The following PLA2G12B variants were observed in gnomAD, a reference collection of about 807,000 sequenced individuals.
PLA2G12B encodes phospholipase A2 group XIIB, also known as group XIIB secretory phospholipase A2-like protein.
PLA2G12B carries 19 observed loss-of-function variants against 22.3 expected under a neutral mutation model. That is an observed-to-expected ratio of 0.85 (90% CI 0.60 to 1.25). The LOEUF is 1.25. Ranked by LOEUF, PLA2G12B falls within the 50% of genes most tolerant of loss-of-function variation. The pLI, the probability that PLA2G12B is intolerant of heterozygous loss-of-function variation, is 0.00. For synonymous variants in PLA2G12B, 81 were observed against 94.9 expected (o/e 0.85, Z 0.85); for missense variants, 191 against 246.6 (o/e 0.77, Z 1.51).
At chr10:72,944,247 C>G (rs541253084) in intron 1 of PLA2G12B, among the ~76,000 whole-genome samples, 1 of 152,210 alleles carries the variant, frequency 6.6e-6, no homozygotes, top group Non-Finnish European at 1.5e-5. Context: ...GCCAAACTTG[C>G]TATAAATTTT....
At chr10:72,942,275 T>C (rs541360959) in intron 2 of PLA2G12B, among the ~76,000 whole-genome samples, 3 of 152,154 alleles carry the variant, frequency 2.0e-5, no homozygotes, top group Admixed American at 1.3e-4. Flanking sequence ...CATGACAATA[T>C]GTAACAATCA....
chr10:72,943,906 GA>G (rs1283253913), intron 1 of PLA2G12B, among the ~76,000 whole-genome samples: 1 of 152,196 alleles, frequency 6.6e-6, no homozygotes, highest in East Asian at 1.9e-4. Context: ...TAAGACTGGG[GA>G]AATGTGCTAA....
chr10:72,946,229 C>T (rs1381253921), intron 1 of PLA2G12B, among the ~76,000 whole-genome samples: 1 of 152,196 alleles, frequency 6.6e-6, no homozygotes, highest in Non-Finnish European at 1.5e-5. Flanking sequence ...TTGTGTCTGG[C>T]TTCTTTCTCT....
chr10:72,943,028 T>C (rs1846387213), intron 1 of PLA2G12B, among the ~76,000 whole-genome samples: 1 of 151,638 alleles, frequency 6.6e-6, no homozygotes, highest in Non-Finnish European at 1.5e-5. Context: ...TGCAGTGGTG[T>C]GATCTTGGCT....
chr10:72,943,186 G>A (rs1322302980), intron 1 of PLA2G12B, among the ~76,000 whole-genome samples: 4 of 152,006 alleles, frequency 2.6e-5, no homozygotes, highest in Admixed American at 6.6e-5. Flanking sequence ...GGTTGGTCTC[G>A]AACTCCTGAC....
chr10:72,941,366 G>A, intron 2 of PLA2G12B, 32 bp from the exon 3 acceptor site: 1 of 1,599,050 alleles, frequency 6.3e-7, no homozygotes. Context: ...GAAAAGAAGG[G>A]GAAGAAATGC....
At chr10:72,953,336 C>T (rs905920370) in intron 1 of PLA2G12B, among the ~76,000 whole-genome samples, 21 of 152,142 alleles carry the variant, frequency 1.4e-4, no homozygotes, top group African/African-American at 4.6e-4. Context: ...TATAAGGAAG[C>T]GATTTTCCCC....
chr10:72,944,198 C>G (rs994370884), intron 1 of PLA2G12B, among the ~76,000 whole-genome samples: 2 of 152,032 alleles, frequency 1.3e-5, no homozygotes, highest in African/African-American at 2.4e-5. Context: ...AACAAACAGC[C>G]ATGTACCAAA....
chr10:72,939,502 G>A (rs556210271), intron 3 of PLA2G12B, among the ~76,000 whole-genome samples: 2 of 152,094 alleles, frequency 1.3e-5, no homozygotes, highest in Admixed American at 1.3e-4. Context: ...TTGATTCACC[G>A]GGTTGGAAAC....
chr10:72,936,561 CAGAG>C (rs373343591), intron 3 of PLA2G12B, among the ~76,000 whole-genome samples: 4 of 151,954 alleles, frequency 2.6e-5, no homozygotes, highest in African/African-American at 9.7e-5. Flanking sequence ...GCAATCCATA[CAGAG>C]AGTAAAATAG....
intron 1 of PLA2G12B, among the ~76,000 whole-genome samples, chr10:72,943,389 A>T (rs996380050): frequency 2.0e-5 from 3 of 152,194 alleles, no homozygotes; most frequent in Non-Finnish European, 4.4e-5. Flanking sequence ...CACACCACTC[A>T]AAGAACAAGC....
intron 1 of PLA2G12B, among the ~76,000 whole-genome samples, chr10:72,947,869 T>C (rs1291002735): frequency 6.6e-6 from 1 of 152,188 alleles, no homozygotes; most frequent in Admixed American, 6.5e-5. Flanking sequence ...CGGCCTTGTC[T>C]TCTCTTCTTT....
In PLA2G12B at chr10:72,935,696, C is replaced by T. The variant is rs867323514; in HGVS notation, c.509G>A (p.Trp170Ter). 14 of 1,614,072 alleles carry T rather than the reference C, an allele frequency of 8.7e-6. No homozygotes were observed. Among genetic ancestry groups the T allele is most frequent in the Non-Finnish European group, 1.2e-5 (14 of 1,180,020 alleles). Residue 170 changes from tryptophan to a stop codon, truncating the protein, a stop_gained, in exon 4 of 4, where the codon TGG becomes TAG. Transcript: ENST00000373032. LOFTEE classifies it high-confidence loss of function. ...SLVDTVFNTVWTLGCRPFMNS... is the reference protein window; with the variant it reads ...SLVDTVFNTV ...CATAAAGGGGCGGCAGCCCAAGGTC[C>T]ACACGGTGTTGAACACAGTGTCAAC...
intron 3 of PLA2G12B, among the ~76,000 whole-genome samples, chr10:72,936,096 C>T (rs151136569): frequency 1.1e-3 from 160 of 152,218 alleles, no homozygotes; most frequent in African/African-American, 3.7e-3. Context: ...CAGAACACAC[C>T]GAATCTCGCC....
At chr10:72,949,925 C>T (rs968207106) in intron 1 of PLA2G12B, among the ~76,000 whole-genome samples, 9 of 151,760 alleles carry the variant, frequency 5.9e-5, no homozygotes, top group African/African-American at 1.2e-4. Context: ...TGCAGTGAGC[C>T]GAGATAGTAC....
At chr10:72,940,607 G>T (rs1846344871) in intron 3 of PLA2G12B, among the ~76,000 whole-genome samples, 1 of 152,100 alleles carries the variant, frequency 6.6e-6, no homozygotes, top group Admixed American at 6.5e-5. Context: ...GGAAAGCAGA[G>T]GTTGTAGTGA....
chr10:72,954,695 A>G lies in PLA2G12B; in HGVS notation c.-10T>C, dbSNP rs1177345028. 9 of 1,613,572 alleles carry G rather than the reference A, an allele frequency of 5.6e-6. No individual in the cohort carries two copies. The highest frequency in any genetic ancestry group is 7.6e-6 in the Non-Finnish European group (9 of 1,179,932). On this transcript the variant is annotated 5_prime_UTR_variant, in exon 1 of 4. Transcript: ENST00000373032. ...CACTGGCCAGCTTCATCCTGCAGCC[A>G]GGTAGGTACTGGCTTCTCTCCTCAA... is the stretch of plus-strand genomic sequence containing the variant.
intron 2 of PLA2G12B, among the ~76,000 whole-genome samples, chr10:72,942,133 A>G (rs1243669403): frequency 6.9e-6 from 1 of 145,944 alleles, no homozygotes; most frequent in Non-Finnish European, 1.5e-5. Context: ...AAAATACAAA[A>G]ATTAGCAGGG....
intron 1 of PLA2G12B, among the ~76,000 whole-genome samples, chr10:72,945,606 T>A (rs1846426998): frequency 6.6e-6 from 1 of 151,884 alleles, no homozygotes; most frequent in Admixed American, 6.6e-5. Context: ...AGTTTCGAGG[T>A]ACCTTTTTGC....
Sources: gnomAD v4.1 joint callset for allele counts (sites outside exome capture counted in the v4.1 genomes callset) on GRCh38, gnomAD v4.1.1 for gene constraint, MANE v1.5 for transcripts, NCBI Gene and HGNC (gene_info 2026-07-23, HGNC 2026-07-21) for gene names.